Variants in DESI1 observed in about 807,000 individuals in gnomAD.
DESI1 encodes the protein PPPDE peptidase domain containing 2.
A neutral mutation model predicts 22.4 loss-of-function variants in DESI1; 17 were observed. The observed-to-expected ratio is 0.76, with a 90% CI of 0.52 to 1.14. The LOEUF is 1.14. DESI1 is among the 50% of genes most tolerant of loss of function. DESI1 has a pLI of 0.00. For missense variants in DESI1, 177 were observed against 208.9 expected, an observed-to-expected ratio of 0.85 and a Z score of 0.94; for synonymous variants, 92 against 84.2, an observed-to-expected ratio of 1.09 and a Z score of -0.51.
Position 41,600,396 on chromosome 22 carries a change from G to A in DESI1, c.*701C>T, listed in dbSNP as rs944146553. The A allele has an allele frequency of 1.3e-5, 2 of 152,402 alleles. No homozygotes were observed. Among genetic ancestry groups the A allele is most frequent in the Non-Finnish European group, 2.9e-5 (2 of 68,230 alleles). The allele number at this position is 152,402 out of a possible 1,614,324, so 9.4% of individuals were successfully genotyped here. ...GCTATGCTGAGGAAAGGCAGCCTCG[G>A]GGGCACAAAGGCAGGTTTCCCAAAA... On this transcript the variant is annotated 3_prime_UTR_variant, in exon 6 of 6. Coordinates refer to ENST00000263256, the MANE Select transcript of DESI1 (RefSeq NM_015704.3).
chr22:41,603,979 C>T (rs1201035373), intron 4 of DESI1, 65 bp downstream of exon 4: 2 of 1,451,574 alleles, frequency 1.4e-6, no homozygotes, highest in African/African-American at 2.8e-5. Flanking sequence ...TGGCAGCTGC[C>T]TCCAGGGGTT....
chr22:41,619,821 A>G (rs982601467), intron 1 of DESI1, among the ~76,000 whole-genome samples: 1 of 152,248 alleles, frequency 6.6e-6, no homozygotes, highest in East Asian at 1.9e-4. Context: ...CACAGAAGCC[A>G]GGAAAAACTA....
chr22:41,617,656 C>T (rs1213278890), intron 1 of DESI1, among the ~76,000 whole-genome samples: 1 of 152,116 alleles, frequency 6.6e-6, no homozygotes, highest in Non-Finnish European at 1.5e-5. Flanking sequence ...ATTAATTTTG[C>T]AAAAGGTATA....
At chr22:41,620,315 C>G (rs2067578654) in intron 1 of DESI1, among the ~76,000 whole-genome samples, 2 of 152,252 alleles carry the variant, frequency 1.3e-5, no homozygotes, top group African/African-American at 4.8e-5. Context: ...CACCCGACCT[C>G]CGCAGTGTCT....
intron 1 of DESI1, among the ~76,000 whole-genome samples, chr22:41,609,694 A>T (rs2067504736): frequency 6.6e-6 from 1 of 152,164 alleles, no homozygotes; most frequent in Non-Finnish European, 1.5e-5. Context: ...GCTACTCAGG[A>T]GGCTGAGGCA....
In DESI1 at chr22:41,607,285, C is replaced by T; in HGVS notation, c.157G>A (p.Gly53Ser). 6.2e-7 allele frequency: 1 copy of T among 1,612,066 alleles called. No homozygotes were observed. The highest frequency in any genetic ancestry group is 8.5e-7 in the Non-Finnish European group (1 of 1,179,008). The change falls in exon 3 of 6, where the codon GGT becomes AGT. Residue 53 changes from glycine to serine, a missense_variant. Coordinates refer to ENST00000263256, the MANE Select transcript of DESI1 (RefSeq NM_015704.3). ...VHKDEFFFGS[G>S]GISSCPPGGT... ...ACCGGGGGGCAGCTGGAGATACCAC[C>T]ACTGCCGAAGAAGAACTCATCCTTG...
chr22:41,602,401 G>C, intron 5 of DESI1: 1 of 985,454 alleles, frequency 1.0e-6, no homozygotes, highest in Non-Finnish European at 1.2e-6. Context: ...CAGGGCCAGG[G>C]CTGGCGGACT....
At chr22:41,611,426 T>A (rs983839059) in intron 1 of DESI1, among the ~76,000 whole-genome samples, 8 of 151,926 alleles carry the variant, frequency 5.3e-5, no homozygotes, top group African/African-American at 1.7e-4. Flanking sequence ...AGCCACTCTA[T>A]GTGGCCTAAC....
intron 1 of DESI1, among the ~76,000 whole-genome samples, chr22:41,619,418 T>C (rs2067569823): frequency 6.6e-6 from 1 of 152,188 alleles, no homozygotes; most frequent in African/African-American, 2.4e-5. Flanking sequence ...CTTCTACCCC[T>C]GTTCCCCTGG....
chr22:41,617,079 G>C (rs2067555490), intron 1 of DESI1, among the ~76,000 whole-genome samples: 1 of 152,128 alleles, frequency 6.6e-6, no homozygotes, highest in Non-Finnish European at 1.5e-5. Context: ...ATCCAAACTT[G>C]AAACATTTGG....
chr22:41,604,732 TAA>T (rs111720971), intron 3 of DESI1, among the ~76,000 whole-genome samples: 3 of 144,092 alleles, frequency 2.1e-5, no homozygotes, highest in Non-Finnish European at 1.5e-5. Flanking sequence ...CTGATGAGCT[TAA>T]AAAAAAAAAA....
intron 1 of DESI1, among the ~76,000 whole-genome samples, chr22:41,610,512 C>T (rs2067510583): frequency 1.3e-5 from 2 of 152,104 alleles, no homozygotes; most frequent in African/African-American, 4.8e-5. Context: ...TTAGTGTTCC[C>T]AGGCTAAATG....
rs904275920 is a variant in DESI1, at chr22:41,602,896, C to T, written c.413+363G>A. 8 of 791,956 alleles carry T rather than the reference C, an allele frequency of 1.0e-5. No homozygotes were observed. The South Asian group carries it at 1.5e-4, about 15-fold the overall frequency. The allele number at this position is 791,956 out of a possible 1,614,324, so 49.1% of individuals were successfully genotyped here. ...ACAAGCCCCCCTACTATTTTTCTGA[C>T]CCCCTCTCTGCTTGTCTAACATTGC... is the stretch of plus-strand genomic sequence containing the variant. On this transcript the variant is annotated intron_variant, in intron 5 of 5. Coordinates refer to ENST00000263256, the MANE Select transcript of DESI1 (RefSeq NM_015704.3).
intron 5 of DESI1, chr22:41,602,424 C>T (rs1457822972): frequency 9.1e-6 from 9 of 985,322 alleles, no homozygotes; most frequent in East Asian, 1.1e-4. Context: ...GGCTCCTCAC[C>T]AGCCTGCCAC....
chr22:41,611,586 TC>T (rs1365274902), intron 1 of DESI1, among the ~76,000 whole-genome samples: 100 of 134,300 alleles, frequency 7.4e-4, no homozygotes, highest in African/African-American at 2.6e-3. Context: ...TCTTACCTGT[TC>T]CTTCTTTTTT....
chr22:41,601,227 G>C, intron 5 of DESI1, 37 bp from the exon 6 acceptor site: 1 of 1,568,878 alleles, frequency 6.4e-7, no homozygotes, highest in South Asian at 1.2e-5. Flanking sequence ...GGTGGGCTCT[G>C]GGATGTGGCC....
At chr22:41,614,219 G>T (rs1395603280) in intron 1 of DESI1, among the ~76,000 whole-genome samples, 1 of 151,004 alleles carries the variant, frequency 6.6e-6, no homozygotes, top group Non-Finnish European at 1.5e-5. Flanking sequence ...TGTATTTTTA[G>T]TAGAGACGGG....
rs2067443531 is a variant in DESI1, at chr22:41,600,453, TG to T, written c.*643del. ...GCAGAAGATTGGCAATCCATCTAGGTGGAAGGAGGAATGGCTTTATCCTGTT... is the reference window on the plus strand; with the variant it reads ...GCAGAAGATTGGCAATCCATCTAGGTGAAGGAGGAATGGCTTTATCCTGTT... On this transcript the variant is annotated 3_prime_UTR_variant, in exon 6 of 6. Coordinates refer to ENST00000263256, the MANE Select transcript of DESI1 (RefSeq NM_015704.3). 1 of 152,270 alleles carries T rather than the reference TG, an allele frequency of 6.6e-6. No individual in the cohort carries two copies. Among genetic ancestry groups the T allele is most frequent in the South Asian group, 2.1e-4 (1 of 4,828 alleles). The allele number at this position is 152,270 out of a possible 1,614,324, so 9.4% of individuals were successfully genotyped here.
intron 1 of DESI1, among the ~76,000 whole-genome samples, chr22:41,614,488 G>A (rs1245655774): frequency 1.3e-5 from 2 of 151,650 alleles, no homozygotes; most frequent in Admixed American, 6.6e-5. Flanking sequence ...GCGTGATCTC[G>A]GCTCACTGCA....
Sources: gnomAD v4.1 joint callset for allele counts (sites outside exome capture counted in the v4.1 genomes callset) on GRCh38, gnomAD v4.1.1 for gene constraint, MANE v1.5 for transcripts, NCBI Gene and HGNC (gene_info 2026-07-23, HGNC 2026-07-21) for gene names.